Variants in ERBB4 observed in about 807,000 individuals in gnomAD.
ERBB4 encodes the protein receptor tyrosine-protein kinase erbB-4.
ERBB4 carries 42 observed loss-of-function variants against 158.0 expected under a neutral mutation model. The ratio of observed to expected loss-of-function variants is 0.27; its 90% CI spans 0.21 to 0.34. The LOEUF (loss-of-function observed/expected upper bound fraction) is 0.34. Among genes scored for constraint, ERBB4 ranks in the 10% least tolerant of loss-of-function variants. The pLI is 1.00. For synonymous variants in ERBB4, 583 were observed against 558.7 expected, an observed-to-expected ratio of 1.04 and a Z score of -0.61; for missense variants, 1,333 against 1,624.1, an observed-to-expected ratio of 0.82 and a Z score of 3.08.
chr2:212,196,742 TG>T (rs1330220140), intron 1 of ERBB4, among the ~76,000 whole-genome samples: 1 of 152,138 alleles, frequency 6.6e-6, no homozygotes, highest in Non-Finnish European at 1.5e-5. Context: ...TGAAATAGTA[TG>T]GTTTCATCCT....
At chr2:212,533,244 T>C (rs1692854426) in intron 1 of ERBB4, among the ~76,000 whole-genome samples, 1 of 152,216 alleles carries the variant, frequency 6.6e-6, no homozygotes, top group Non-Finnish European at 1.5e-5. Flanking sequence ...TTAATATAGG[T>C]ATACATGTTT....
chr2:212,508,351 A>G (rs1479924124), intron 1 of ERBB4, among the ~76,000 whole-genome samples: 4 of 152,166 alleles, frequency 2.6e-5, no homozygotes, highest in African/African-American at 9.7e-5. Context: ...AGTTGGATCA[A>G]TTTTAAACTG....
At chr2:212,458,554 C>T (rs1183802651) in intron 1 of ERBB4, among the ~76,000 whole-genome samples, 1 of 151,774 alleles carries the variant, frequency 6.6e-6, no homozygotes, top group East Asian at 1.9e-4. Flanking sequence ...TAGGTTGTGC[C>T]TAGAAATTTG....
intron 5 of ERBB4, among the ~76,000 whole-genome samples, chr2:211,741,241 C>T (rs1272249941): frequency 6.6e-6 from 1 of 152,104 alleles, no homozygotes; most frequent in Non-Finnish European, 1.5e-5. Context: ...AATAAGTTGT[C>T]ATCACTACCA....
At chr2:212,403,015 TCTA>T (rs2091252494) in intron 1 of ERBB4, among the ~76,000 whole-genome samples, 1 of 152,074 alleles carries the variant, frequency 6.6e-6, no homozygotes, top group Admixed American at 6.6e-5. Flanking sequence ...ACTAATTATA[TCTA>T]CTAATTAGTC....
chr2:212,154,848 C>G (rs1438876488), intron 1 of ERBB4, among the ~76,000 whole-genome samples: 1 of 152,090 alleles, frequency 6.6e-6, no homozygotes, highest in African/African-American at 2.4e-5. Flanking sequence ...AGGTTATGAA[C>G]CTGTTCAATA....
chr2:212,415,787 C>T (rs980426731), intron 1 of ERBB4, among the ~76,000 whole-genome samples: 5 of 152,050 alleles, frequency 3.3e-5, no homozygotes, highest in African/African-American at 4.8e-5. Flanking sequence ...TATAATTCTC[C>T]TCTTTAAAAT....
chr2:212,513,306 C>T (rs938366028), intron 1 of ERBB4, among the ~76,000 whole-genome samples: 2 of 152,098 alleles, frequency 1.3e-5, no homozygotes, highest in Admixed American at 1.3e-4. Flanking sequence ...ATACTAAAGA[C>T]AAATCTCCTA....
chr2:211,979,246 T>C (rs1394644996), intron 2 of ERBB4, among the ~76,000 whole-genome samples: 3 of 152,192 alleles, frequency 2.0e-5, no homozygotes, highest in Non-Finnish European at 4.4e-5. Context: ...TCAAGACAGA[T>C]TTTAGAAAAC....
chr2:212,449,309 G>A (rs1445415911), intron 1 of ERBB4, among the ~76,000 whole-genome samples: 3 of 152,138 alleles, frequency 2.0e-5, no homozygotes, highest in Admixed American at 6.5e-5. Context: ...TATTGCCAAC[G>A]ATAAGTATCA....
intron 1 of ERBB4, among the ~76,000 whole-genome samples, chr2:212,193,177 A>G (rs971259457): frequency 1.3e-5 from 2 of 152,144 alleles, no homozygotes; most frequent in African/African-American, 4.8e-5. Context: ...GCTTATATTT[A>G]TAACTCCAGG....
Position 212,183,845 on chromosome 2 carries a change from C to T in ERBB4, c.83-58942G>A, listed in dbSNP as rs191125022. 2.2e-4 allele frequency among the ~76,000 whole-genome samples: 33 copies of T among 152,172 alleles called. 1 individual carries two copies. In the East Asian group the frequency reaches 4.1e-3, roughly 19 times the overall value. ...TGGTCAAGAACAATCAGAAAATAAG[C>T]TATTCTTCATCTATTTTTCCAAAGA... is the stretch of plus-strand genomic sequence containing the variant. On this transcript the variant is annotated intron_variant, in intron 1 of 27. Coordinates refer to ENST00000342788, the MANE Select transcript of ERBB4 (RefSeq NM_005235.3).
chr2:211,852,884 G>A (rs1024174700), intron 3 of ERBB4, among the ~76,000 whole-genome samples: 2 of 151,926 alleles, frequency 1.3e-5, no homozygotes, highest in East Asian at 1.9e-4. Flanking sequence ...ATTACTGGCA[G>A]CTAGAATTTA....
intron 2 of ERBB4, among the ~76,000 whole-genome samples, chr2:212,054,398 G>A (rs1012188066): frequency 6.6e-6 from 1 of 152,116 alleles, no homozygotes; most frequent in Non-Finnish European, 1.5e-5. Context: ...TTCTGTTTCA[G>A]AAAACAACCT....
At chr2:211,815,782 G>A (rs1436290477) in intron 3 of ERBB4, among the ~76,000 whole-genome samples, 1 of 152,174 alleles carries the variant, frequency 6.6e-6, no homozygotes, top group Non-Finnish European at 1.5e-5. Context: ...CAGTGTGGTG[G>A]CAACATATAA....
chr2:211,950,712 A>G (rs921205196), intron 2 of ERBB4, among the ~76,000 whole-genome samples: 1 of 152,146 alleles, frequency 6.6e-6, no homozygotes, highest in Non-Finnish European at 1.5e-5. Flanking sequence ...ACTCTAAGCC[A>G]CTATGAGTAT....
intron 17 of ERBB4, among the ~76,000 whole-genome samples, chr2:211,629,144 C>T (rs2069991915): frequency 6.6e-6 from 1 of 151,892 alleles, no homozygotes; most frequent in Admixed American, 6.6e-5. Context: ...ATCTAGAAAA[C>T]CCAATCATAT....
intron 1 of ERBB4, among the ~76,000 whole-genome samples, chr2:212,203,168 G>A (rs1559734940): frequency 6.6e-6 from 1 of 151,974 alleles, no homozygotes; most frequent in Non-Finnish European, 1.5e-5. Flanking sequence ...ATATAATAAG[G>A]AGAACAAATG....
chr2:212,366,890 A>G (rs2089909218), intron 1 of ERBB4, among the ~76,000 whole-genome samples: 1 of 152,010 alleles, frequency 6.6e-6, no homozygotes, highest in East Asian at 1.9e-4. Flanking sequence ...TGAATCCAAA[A>G]TTGATAAATG....
Sources: gnomAD v4.1 joint callset for allele counts (sites outside exome capture counted in the v4.1 genomes callset) on GRCh38, gnomAD v4.1.1 for gene constraint, MANE v1.5 for transcripts, NCBI Gene and HGNC (gene_info 2026-07-23, HGNC 2026-07-21) for gene names.